UHRF2: variants seen among roughly 807,000 people sequenced by gnomAD.
The protein encoded by UHRF2 is ubiquitin like with PHD and ring finger domains 2.
Under a neutral mutation model 96.8 loss-of-function variants are expected in UHRF2, and 23 were observed. The observed-to-expected ratio is 0.24, with a 90% CI of 0.17 to 0.34. The LOEUF is 0.34. Ranked by LOEUF, UHRF2 falls within the 10% of genes least tolerant of loss-of-function variation. The pLI is 1.00. For missense variants in UHRF2, 685 were observed against 981.5 expected, an observed-to-expected ratio of 0.70 and a Z score of 4.04; for synonymous variants, 385 against 332.6, an observed-to-expected ratio of 1.16 and a Z score of -1.72.
chr9:6,482,346 T>C (rs1406258541), intron 8 of UHRF2, among the ~76,000 whole-genome samples: 1 of 152,202 alleles, frequency 6.6e-6, no homozygotes, highest in East Asian at 1.9e-4. Context: ...TAGTAACCAT[T>C]ATTGTTAAGC....
intron 3 of UHRF2, 130 bp from the exon 4 acceptor site, chr9:6,460,443 T>C: frequency 1.4e-6 from 1 of 711,656 alleles, no homozygotes; most frequent in South Asian, 2.0e-5. Flanking sequence ...ACCTGCTATT[T>C]AAGGACACTT....
chr9:6,494,099 A>G, intron 10 of UHRF2, 167 bp downstream of exon 10: 1 of 554,584 alleles, frequency 1.8e-6, no homozygotes, highest in Non-Finnish European at 3.1e-6. Context: ...ATCCTAACAT[A>G]TCTTTATACT....
At chr9:6,474,019 A>C (rs1823409293) in intron 4 of UHRF2, among the ~76,000 whole-genome samples, 1 of 151,756 alleles carries the variant, frequency 6.6e-6, no homozygotes, top group South Asian at 2.1e-4. Context: ...AGACTTTTCA[A>C]ACACAGGCAA....
intron 1 of UHRF2, among the ~76,000 whole-genome samples, chr9:6,414,939 T>C (rs149166782): frequency 1.3e-5 from 2 of 152,350 alleles, no homozygotes; most frequent in East Asian, 1.9e-4. Flanking sequence ...AGCTTTGCTT[T>C]TGAAATAATT....
chr9:6,468,933 C>A (rs1489564637), intron 4 of UHRF2, among the ~76,000 whole-genome samples: 1 of 152,188 alleles, frequency 6.6e-6, no homozygotes, highest in Non-Finnish European at 1.5e-5. Context: ...GAAGGTTGAA[C>A]TTTCCTTTAT....
intron 3 of UHRF2, among the ~76,000 whole-genome samples, chr9:6,447,507 A>G (rs1821588071): frequency 6.6e-6 from 1 of 152,232 alleles, no homozygotes; most frequent in Non-Finnish European, 1.5e-5. Context: ...ACAAGGATAA[A>G]GAAGCAGAAA....
chr9:6,469,597 A>G (rs769936929), intron 4 of UHRF2, among the ~76,000 whole-genome samples: 2 of 151,966 alleles, frequency 1.3e-5, no homozygotes, highest in Non-Finnish European at 2.9e-5. Context: ...AGATAAGTCA[A>G]TAAAAACTAC....
At chr9:6,483,324 C>CAAA (rs34497002) in intron 8 of UHRF2, among the ~76,000 whole-genome samples, 13 of 59,458 alleles carry the variant, frequency 2.2e-4, no homozygotes, top group African/African-American at 4.9e-4. Flanking sequence ...GACTCTGTCT[C>CAAA]AAAAAAAAAA....
intron 8 of UHRF2, among the ~76,000 whole-genome samples, chr9:6,484,089 A>G (rs1341547683): frequency 2.1e-5 from 3 of 142,390 alleles, no homozygotes; most frequent in African/African-American, 5.2e-5. Context: ...TTTTTTTTTT[A>G]AGAGACAGGG....
intron 4 of UHRF2, among the ~76,000 whole-genome samples, chr9:6,470,121 G>A (rs1023170319): frequency 2.6e-4 from 40 of 152,110 alleles, no homozygotes; most frequent in African/African-American, 9.6e-4. Flanking sequence ...CTATATAATC[G>A]CAGCATTTTG....
At chr9:6,497,044 GA>G (rs1260453516) in intron 10 of UHRF2, 153 bp from the exon 11 acceptor site, 1 of 722,074 alleles carries the variant, frequency 1.4e-6, no homozygotes, top group Admixed American at 3.1e-5. Context: ...GCTGGTGGGG[GA>G]AAGCATAATC....
intron 14 of UHRF2, among the ~76,000 whole-genome samples, chr9:6,503,718 A>G (rs915356510): frequency 1.3e-5 from 2 of 152,210 alleles, no homozygotes; most frequent in Non-Finnish European, 2.9e-5. Flanking sequence ...TAGATAATAC[A>G]TGTTCATACT....
chr9:6,421,063 C>G lies in UHRF2; in HGVS notation c.305C>G (p.Ala102Gly), dbSNP rs1322324184. The G allele has an allele frequency of 2.5e-6, 4 of 1,614,182 alleles. No homozygotes were observed. The East Asian group carries it at 8.9e-5, about 36-fold the overall frequency. ...AATAGTCCACCTAAAGTAAAGAAAG[C>G]TCCGAGGGTAGGACCTTCCAATCAG... Reference protein sequence around the residue: ...CSNSPPKVKKAPRVGPSNQPS... With the variant: ...CSNSPPKVKKGPRVGPSNQPS... Residue 102 changes from alanine to glycine, a missense_variant, in exon 2 of 16, where the codon GCT (alanine) becomes GGT (glycine). Coordinates refer to ENST00000276893, the MANE Select transcript of UHRF2 (RefSeq NM_152896.3).
intron 9 of UHRF2, 88 bp from the exon 10 acceptor site, chr9:6,493,738 C>T: frequency 8.8e-7 from 1 of 1,137,368 alleles, no homozygotes; most frequent in South Asian, 1.7e-5. Context: ...CTCATAACAT[C>T]CTAATGAAAT....
At chr9:6,487,627 A>G (rs1824386310) in intron 9 of UHRF2, among the ~76,000 whole-genome samples, 1 of 152,166 alleles carries the variant, frequency 6.6e-6, no homozygotes, top group Non-Finnish European at 1.5e-5. Flanking sequence ...TTGGCCTCCC[A>G]AAGTGTTGGG....
intron 3 of UHRF2, among the ~76,000 whole-genome samples, chr9:6,452,810 T>A (rs1030462764): frequency 6.6e-6 from 1 of 152,186 alleles, no homozygotes; most frequent in Non-Finnish European, 1.5e-5. Context: ...CATTTCAGTT[T>A]GGGGTGTAGA....
intron 10 of UHRF2, 108 bp downstream of exon 10, chr9:6,494,040 A>C (rs1824826441): frequency 1.1e-6 from 1 of 936,508 alleles, no homozygotes; most frequent in African/African-American, 1.7e-5. Context: ...TGGGAGTTAA[A>C]GATCTGAAAT....
intron 9 of UHRF2, among the ~76,000 whole-genome samples, chr9:6,493,395 G>A (rs1373785837): frequency 1.3e-5 from 2 of 152,108 alleles, no homozygotes; most frequent in Admixed American, 1.3e-4. Context: ...AGCACACTTA[G>A]GTATGGTGTA....
At chr9:6,441,811 A>C (rs1164490913) in intron 3 of UHRF2, among the ~76,000 whole-genome samples, 1 of 151,962 alleles carries the variant, frequency 6.6e-6, no homozygotes, top group Non-Finnish European at 1.5e-5. Context: ...TATTTCATTC[A>C]AGCTAAATGA....
Sources: allele counts gnomAD v4.1 joint callset (sites outside exome capture counted in the v4.1 genomes callset), GRCh38; gene constraint gnomAD v4.1.1; transcripts MANE v1.5; gene names NCBI Gene and HGNC (gene_info 2026-07-23, HGNC 2026-07-21).